Variants in TMEM132B observed in about 807,000 individuals in gnomAD.
TMEM132B encodes the protein transmembrane protein 132B.
Under a neutral mutation model 90.8 loss-of-function variants are expected in TMEM132B, and 18 were observed. The ratio of observed to expected loss-of-function variants is 0.20; its 90% CI spans 0.14 to 0.29. TMEM132B has a LOEUF of 0.29. Among genes scored for constraint, TMEM132B ranks in the 10% least tolerant of loss-of-function variants. The pLI is 1.00. For synonymous variants in TMEM132B, 504 were observed against 523.3 expected (o/e 0.96, Z 0.50); for missense variants, 1,096 against 1,326.8 (o/e 0.83, Z 2.70).
At chr12:125,557,734 C>T (rs943609288) in intron 4 of TMEM132B, among the ~76,000 whole-genome samples, 1 of 152,072 alleles carries the variant, frequency 6.6e-6, no homozygotes, top group Non-Finnish European at 1.5e-5. Flanking sequence ...ATAAGATAGT[C>T]TCCGAGACTG....
At chr12:125,218,146 C>T (rs1873479918) in intron 1 of TMEM132B, among the ~76,000 whole-genome samples, 1 of 151,952 alleles carries the variant, frequency 6.6e-6, no homozygotes, top group South Asian at 2.1e-4. Flanking sequence ...CCTAAGGAGT[C>T]CTATAAGACT....
chr12:125,565,154 A>G (rs868041831), intron 4 of TMEM132B, among the ~76,000 whole-genome samples: 2 of 152,356 alleles, frequency 1.3e-5, no homozygotes, highest in Non-Finnish European at 2.9e-5. Context: ...GGGAGCTTAA[A>G]TGACTTCTGA....
At chr12:125,454,604 A>G (rs1260748155) in intron 3 of TMEM132B, among the ~76,000 whole-genome samples, 2 of 152,352 alleles carry the variant, frequency 1.3e-5, no homozygotes, top group South Asian at 2.1e-4. Flanking sequence ...AAAAGAGAAA[A>G]CATTTCTGTC....
intron 5 of TMEM132B, among the ~76,000 whole-genome samples, chr12:125,617,907 A>G (rs754307014): frequency 1.1e-4 from 16 of 151,810 alleles, no homozygotes; most frequent in Non-Finnish European, 2.4e-4. Flanking sequence ...TTATATATTA[A>G]TAGTTGCTCA....
At chr12:125,411,492 A>G (rs781307612) in intron 2 of TMEM132B, among the ~76,000 whole-genome samples, 64 of 152,000 alleles carry the variant, frequency 4.2e-4, no homozygotes, top group Non-Finnish European at 8.8e-4. Flanking sequence ...CAGCACATGT[A>G]CCCCAGAACT....
chr12:125,545,624 G>C (rs985004568), intron 4 of TMEM132B, among the ~76,000 whole-genome samples: 2 of 152,226 alleles, frequency 1.3e-5, no homozygotes, highest in African/African-American at 4.8e-5. Context: ...CAGTGTGACT[G>C]TGATTAAGAC....
chr12:125,517,594 C>A (rs1364071530), intron 3 of TMEM132B, among the ~76,000 whole-genome samples: 1 of 152,072 alleles, frequency 6.6e-6, no homozygotes, highest in Non-Finnish European at 1.5e-5. Flanking sequence ...GACCACCTGG[C>A]TATGTTTGCC....
chr12:125,378,500 T>G (rs1878563799), intron 2 of TMEM132B, among the ~76,000 whole-genome samples: 1 of 152,250 alleles, frequency 6.6e-6, no homozygotes, highest in African/African-American at 2.4e-5. Flanking sequence ...TGGCTTCATC[T>G]TTAACCCACA....
chr12:125,645,923 A>G (rs1415925864), intron 6 of TMEM132B, among the ~76,000 whole-genome samples: 2 of 152,178 alleles, frequency 1.3e-5, no homozygotes, highest in African/African-American at 4.8e-5. Context: ...AGGCTGGAAG[A>G]TTTTGAGGAG....
intron 5 of TMEM132B, among the ~76,000 whole-genome samples, chr12:125,637,405 G>A (rs1385267627): frequency 2.6e-5 from 4 of 152,198 alleles, no homozygotes; most frequent in Non-Finnish European, 5.9e-5. Flanking sequence ...ATTTTGCCAA[G>A]GTTAAGGACA....
chr12:125,616,765 C>G (rs964222623), intron 5 of TMEM132B, among the ~76,000 whole-genome samples: 2 of 152,160 alleles, frequency 1.3e-5, no homozygotes, highest in African/African-American at 2.4e-5. Context: ...CCCTAACGAC[C>G]AACATGATGG....
chr12:125,282,750 T>G (rs1377176187), intron 1 of TMEM132B, among the ~76,000 whole-genome samples: 1 of 152,190 alleles, frequency 6.6e-6, no homozygotes, highest in Non-Finnish European at 1.5e-5. Context: ...GAGCCTCAGA[T>G]TCCTCTTCTA....
intron 1 of TMEM132B, among the ~76,000 whole-genome samples, chr12:125,250,902 C>A (rs1565983947): frequency 6.6e-6 from 1 of 152,194 alleles, no homozygotes; most frequent in Non-Finnish European, 1.5e-5. Flanking sequence ...TTCCTTTATT[C>A]CCTTAAAAAG....
intron 3 of TMEM132B, among the ~76,000 whole-genome samples, chr12:125,448,392 T>C (rs1364464632): frequency 6.6e-6 from 1 of 152,228 alleles, no homozygotes; most frequent in Non-Finnish European, 1.5e-5. Context: ...CCTACTCCTC[T>C]TCCCAGGCAA....
At chr12:125,500,789 G>A (rs1882676152) in intron 3 of TMEM132B, among the ~76,000 whole-genome samples, 1 of 152,168 alleles carries the variant, frequency 6.6e-6, no homozygotes, top group African/African-American at 2.4e-5. Flanking sequence ...TGCAGCAAAT[G>A]AGGAGAGTAG....
At chr12:125,301,954 C>T (rs1875837554) in intron 1 of TMEM132B, 2 of 152,184 alleles carry the variant, frequency 1.3e-5, no homozygotes, top group African/African-American at 4.8e-5. Flanking sequence ...GTAATCCCAG[C>T]ACTTTAGGAG....
intron 1 of TMEM132B, among the ~76,000 whole-genome samples, chr12:125,338,974 C>T (rs570242637): frequency 1.2e-4 from 18 of 152,264 alleles, no homozygotes; most frequent in African/African-American, 4.1e-4. Context: ...CATGTTCATT[C>T]TAGAAAACTT....
intron 1 of TMEM132B, among the ~76,000 whole-genome samples, chr12:125,297,079 GGGAGGGTGAC>G (rs1875689165): frequency 2.0e-5 from 3 of 152,208 alleles, no homozygotes; most frequent in Admixed American, 2.0e-4. Context: ...CTAGGCTAAG[GGGAGGGTGAC>G]GGAGCTGGAG....
At chr12:125,464,197 T>A (rs780887084) in intron 3 of TMEM132B, among the ~76,000 whole-genome samples, 7 of 152,178 alleles carry the variant, frequency 4.6e-5, no homozygotes, top group Non-Finnish European at 8.8e-5. Context: ...AACTGAACTC[T>A]CTCTCAGCCA....
Sources: gnomAD v4.1 joint callset for allele counts (sites outside exome capture counted in the v4.1 genomes callset) on GRCh38, gnomAD v4.1.1 for gene constraint, MANE v1.5 for transcripts, NCBI Gene and HGNC (gene_info 2026-07-23, HGNC 2026-07-21) for gene names.